CARD8: variants seen among roughly 807,000 people sequenced by gnomAD.
The protein encoded by CARD8 is caspase recruitment domain family member 8.
In CARD8, 38 loss-of-function variants were observed where a neutral mutation model predicts 53.2. That is an observed-to-expected ratio of 0.71 (90% confidence interval 0.55 to 0.94). The LOEUF (loss-of-function observed/expected upper bound fraction) is 0.94, where lower values mean the gene tolerates loss of function less well. Ranked by LOEUF, CARD8 falls within the 40% of genes least tolerant of loss-of-function variation. The pLI, the probability that CARD8 is intolerant of heterozygous loss-of-function variation, is 0.00. For synonymous variants in CARD8, 245 were observed against 244.9 expected (o/e 1.00, Z 0.00); for missense variants, 561 against 655.5 (o/e 0.86, Z 1.57).
chr19:48,221,819 G>A lies in CARD8; in HGVS notation c.1072C>T (p.Arg358Cys), dbSNP rs555715998. 27 of 1,608,948 alleles carry A rather than the reference G, an allele frequency of 1.7e-5. No individual in the cohort carries two copies. The East Asian group carries it at 2.0e-4, about 12-fold the overall frequency. The change falls in exon 11 of 14, where the codon CGC (arginine) becomes TGC (cysteine). Residue 358 changes from arginine (R) to cysteine (C), a missense_variant. Arg to Cys is a radical substitution (Grantham distance 180). Coordinates refer to ENST00000651546, the MANE Select transcript of CARD8 (RefSeq NM_001184900.3). The stretch of plus-strand genomic sequence containing the variant: ...TCCATTGGGGGCGAAGTCTGCAGGC[G>A]CACACCATGGAAGCGATCTTCCTCA... ...DDEEDRFHGV[R>C]LQTSPPMEPL...
In CARD8 at chr19:48,211,408, G is replaced by C. The variant is rs1333877023; in HGVS notation, c.*302C>G. On this transcript the variant is annotated 3_prime_UTR_variant, in exon 14 of 14. Transcript: ENST00000651546. Reference sequence around the variant, plus strand: ...CATCCTTCATAAACACACCTATCCGGATGTCCTTTATCCTGGGTCTTCAAG... The same window carrying C: ...CATCCTTCATAAACACACCTATCCGCATGTCCTTTATCCTGGGTCTTCAAG... 1 of 269,630 alleles carries C rather than the reference G, an allele frequency of 3.7e-6. No homozygotes were observed. The highest frequency in any genetic ancestry group is 7.1e-6 in the Non-Finnish European group (1 of 141,264). The allele number at this position is 269,630 out of a possible 1,614,324, so 16.7% of individuals were successfully genotyped here.
chr19:48,229,054 G>A (rs151174661), intron 10 of CARD8, among the ~76,000 whole-genome samples: 364 of 152,212 alleles, frequency 2.4e-3, no homozygotes, highest in African/African-American at 7.0e-3. Context: ...CAGGAGAATC[G>A]CTTGAACCCG....
chr19:48,214,769 C>CCTTTTTTTTTTTTTTTTTTT (rs1251500302), intron 13 of CARD8, among the ~76,000 whole-genome samples: 1 of 89,564 alleles, frequency 1.1e-5, no homozygotes, highest in African/African-American at 4.9e-5. Flanking sequence ...TGCTATAAAG[C>CCTTTTTTTTTTTTTTTTTTT]TTTTTTTTTT....
intron 12 of CARD8, 83 bp downstream of exon 12, chr19:48,218,788 A>C (rs1277887941): frequency 7.1e-7 from 1 of 1,412,550 alleles, no homozygotes; most frequent in Non-Finnish European, 9.8e-7. Flanking sequence ...AGAACCATAA[A>C]CAAGATTTCT....
intron 3 of CARD8, among the ~76,000 whole-genome samples, chr19:48,247,773 TATATAC>T (rs71181663): frequency 0.057 from 4,910 of 86,668 alleles, 130 homozygotes; most frequent in African/African-American, 0.16. Context: ...TATATATATA[TATATAC>T]ACACACACAC....
At chr19:48,215,902 T>C (rs1010464154) in intron 12 of CARD8, among the ~76,000 whole-genome samples, 5 of 152,194 alleles carry the variant, frequency 3.3e-5, no homozygotes, top group African/African-American at 1.2e-4. Context: ...GACTCCTTGA[T>C]GTTTTCAAAG....
At chr19:48,223,645 T>C in intron 10 of CARD8, 1 of 302,836 alleles carries the variant, frequency 3.3e-6, no homozygotes, top group Non-Finnish European at 6.5e-6. Context: ...TAGAACTAAA[T>C]CACCAAATAA....
downstream of CARD8, among the ~76,000 whole-genome samples, chr19:48,205,029 TTTAAG>T (rs1282579604): frequency 6.6e-6 from 1 of 152,180 alleles, no homozygotes; most frequent in Non-Finnish European, 1.5e-5. Flanking sequence ...TTATGGTTAA[TTTAAG>T]TGTTTGTGAA....
intron 3 of CARD8, among the ~76,000 whole-genome samples, chr19:48,247,288 C>T (rs2046280546): frequency 6.6e-6 from 1 of 152,136 alleles, no homozygotes; most frequent in Non-Finnish European, 1.5e-5. Context: ...GGTGCCACTG[C>T]ACTCCAGCCT....
chr19:48,241,720 T>C (rs1035011721), intron 3 of CARD8, among the ~76,000 whole-genome samples: 9 of 152,202 alleles, frequency 5.9e-5, no homozygotes, highest in Non-Finnish European at 1.0e-4. Flanking sequence ...CTTGCCTAAA[T>C]TGTCACCTTG....
At position 48,208,248 on chromosome 19, in the gene CARD8, T is replaced by G. The variant is rs956332873; in HGVS notation, c.*3462A>C. On this transcript the variant is annotated 3_prime_UTR_variant, in exon 14 of 14. Coordinates refer to ENST00000651546, the MANE Select transcript of CARD8 (RefSeq NM_001184900.3). ...ATCACAATCATGAAGAGGATGGAGC[T>G]GCAGAATCTGAGCATATAAAGACTT... is the stretch of plus-strand genomic sequence containing the variant. 1.3e-5 allele frequency: 2 copies of G among 152,198 alleles called. No homozygotes were observed. The highest frequency in any genetic ancestry group is 2.9e-5 in the Non-Finnish European group (2 of 68,036). The allele number at this position is 152,198 out of a possible 1,614,324, so 9.4% of individuals were successfully genotyped here.
At chr19:48,251,117 CA>C (rs2147103794) in intron 1 of CARD8, among the ~76,000 whole-genome samples, 1 of 152,264 alleles carries the variant, frequency 6.6e-6, no homozygotes, top group Non-Finnish European at 1.5e-5. Flanking sequence ...TCAGGTATAG[CA>C]TGTCGTATTA....
intron 10 of CARD8, among the ~76,000 whole-genome samples, chr19:48,226,080 C>A (rs115550613): frequency 0.034 from 4,988 of 147,744 alleles, 303 homozygotes; most frequent in African/African-American, 0.11. Flanking sequence ...AAAGCCATGG[C>A]CTCTAGGCCA....
chr19:48,254,646 G>A (rs1034162052), intron 1 of CARD8, among the ~76,000 whole-genome samples: 5 of 151,972 alleles, frequency 3.3e-5, no homozygotes, highest in East Asian at 3.9e-4. Context: ...GCAGCTACTC[G>A]GGAGGCTGAG....
At chr19:48,227,710 G>A (rs1275478009) in intron 10 of CARD8, among the ~76,000 whole-genome samples, 3 of 151,474 alleles carry the variant, frequency 2.0e-5, no homozygotes, top group African/African-American at 4.9e-5. Context: ...GACTGAGGCA[G>A]GAGAATCACT....
chr19:48,236,483 G>C (rs1462098948), intron 5 of CARD8, among the ~76,000 whole-genome samples: 4 of 152,072 alleles, frequency 2.6e-5, no homozygotes. Context: ...CAAAGTCCTG[G>C]GATTACACCT....
At position 48,210,263 on chromosome 19, in the gene CARD8, G is replaced by C. The variant is rs2037764998; in HGVS notation, c.*1447C>G. 2.0e-5 allele frequency: 3 copies of C among 152,124 alleles called. No homozygotes were observed. The South Asian group carries it at 6.2e-4, about 31-fold the overall frequency. The allele number at this position is 152,124 out of a possible 1,614,324, so 9.4% of individuals were successfully genotyped here. A position where few individuals can be genotyped will look rare whatever the true frequency, so the allele number is the denominator to read the frequency against. ...ACAAGCAAAAAACATCACTGAGAAT[G>C]AAGGTGAGAAAAAGATGTCCTCAGA... On this transcript the variant is annotated 3_prime_UTR_variant, in exon 14 of 14. Transcript: ENST00000651546.
In CARD8 at chr19:48,227,500, G is replaced by A. The variant is rs1279490171; in HGVS notation, c.1035+2938C>T. On this transcript the variant is annotated intron_variant, in intron 10 of 13. Transcript: ENST00000651546. Reference sequence around the variant, plus strand: ...AGAACCTGCAGAGGCGATTTGAGGAGAGACTCAGAAAAGTCACGGAGATGC... The same window carrying A: ...AGAACCTGCAGAGGCGATTTGAGGAAAGACTCAGAAAAGTCACGGAGATGC... Among the ~76,000 whole-genome samples, 3 of 152,270 alleles carry A rather than the reference G, an allele frequency of 2.0e-5. No homozygotes were observed. The East Asian group carries it at 5.8e-4, about 29-fold the overall frequency.
chr19:48,235,180 A>G (rs2043653687), intron 5 of CARD8, among the ~76,000 whole-genome samples: 1 of 151,336 alleles, frequency 6.6e-6, no homozygotes, highest in Admixed American at 6.6e-5. Context: ...GTCCTATGCT[A>G]GATCCTTTTC....
Sources: allele counts gnomAD v4.1 joint callset (sites outside exome capture counted in the v4.1 genomes callset), GRCh38; gene constraint gnomAD v4.1.1; transcripts MANE v1.5; gene names NCBI Gene and HGNC (gene_info 2026-07-23, HGNC 2026-07-21).